Variants in EXTL3 observed in about 807,000 individuals in gnomAD.
The protein encoded by EXTL3 is exostosin-like 3.
EXTL3 carries 27 observed loss-of-function variants against 69.3 expected under a neutral mutation model. The observed-to-expected ratio is 0.39, with a 90% CI of 0.29 to 0.54. The LOEUF (loss-of-function observed/expected upper bound fraction) is 0.54. EXTL3 is among the 20% of genes least tolerant of loss of function. The pLI is 0.69. For synonymous variants in EXTL3, 511 were observed against 499.4 expected (o/e 1.02, Z -0.31); for missense variants, 1,003 against 1,231.8 (o/e 0.81, Z 2.78).
At chr8:28,622,483 C>T (rs572674765), upstream of EXTL3, among the ~76,000 whole-genome samples, 78 of 152,230 alleles carry the variant, frequency 5.1e-4, 1 homozygote, top group African/African-American at 1.5e-3. Context: ...AGCTGCGGGG[C>T]CGCGAGAAGG....
intron 4 of EXTL3, among the ~76,000 whole-genome samples, chr8:28,734,629 T>C (rs1177592807): frequency 6.6e-6 from 1 of 152,210 alleles, no homozygotes; most frequent in African/African-American, 2.4e-5. Context: ...GGAGAATTGC[T>C]TGAACCCAGG....
At position 28,726,874 on chromosome 8, in the gene EXTL3, C is replaced by CT. The variant is rs1801423746; in HGVS notation, c.2149-4345dup. On this transcript the variant is annotated intron_variant, in intron 3 of 6. Transcript: ENST00000220562. ...TTTCTGTGAATCTTTAACAGCTTTTCTTTTCTTTTTTTTTTTTTTTTTTTT... is the reference window on the plus strand; with the variant it reads ...TTTCTGTGAATCTTTAACAGCTTTTCTTTTTCTTTTTTTTTTTTTTTTTTTT... 2.6e-5 allele frequency among the ~76,000 whole-genome samples: 3 copies of CT among 113,774 alleles called. No individual in the cohort carries two copies. The South Asian group carries it at 8.3e-4, about 31-fold the overall frequency. 74.6% of individuals were successfully genotyped at this position (113,774 alleles called of 152,430 possible).
chr8:28,736,647 C>T (rs1202261175), intron 4 of EXTL3, among the ~76,000 whole-genome samples: 1 of 152,166 alleles, frequency 6.6e-6, no homozygotes, highest in Non-Finnish European at 1.5e-5. Context: ...TGGTGCAGTT[C>T]AGTAGTCTTC....
In EXTL3 at chr8:28,716,707, G is replaced by A. The variant is rs1244271778; in HGVS notation, c.648G>A (p.Gln216=). Reference sequence around the variant, plus strand: ...GCTACCTGGATCCCTTGGTCAAGCAGGCTTTTCAGGCGACAGCACGAGCTA... The same window carrying A: ...GCTACCTGGATCCCTTGGTCAAGCAAGCTTTTCAGGCGACAGCACGAGCTA... ...FGSYLDPLVK[Q]AFQATARANV... The change falls in exon 3 of 7, where the codon CAG becomes CAA. Residue 216 remains glutamine (Q), a synonymous_variant. Coordinates refer to ENST00000220562, the MANE Select transcript of EXTL3 (RefSeq NM_001440.4). The surrounding 1 kb of genome is among the most constrained non-coding windows in gnomAD (Gnocchi z 7.1). The A allele has an allele frequency of 6.2e-7, 1 of 1,614,248 alleles. No individual in the cohort carries two copies. Among genetic ancestry groups the A allele is most frequent in the East Asian group, 2.2e-5 (1 of 44,882 alleles).
chr8:28,687,765 A>G (rs750738289), intron 1 of EXTL3, among the ~76,000 whole-genome samples: 2 of 152,196 alleles, frequency 1.3e-5, no homozygotes, highest in Non-Finnish European at 2.9e-5. Flanking sequence ...ATGAAAGAAA[A>G]GAGAAAGGAT....
chr8:28,754,033 C>T lies in EXTL3; in HGVS notation c.*3167C>T, dbSNP rs866998574. The T allele has an allele frequency of 1.2e-3, 172 of 142,268 alleles. No individual in the cohort carries two copies. The highest frequency in any genetic ancestry group is 3.0e-3 in the Admixed American group (44 of 14,466). 8.8% of individuals were successfully genotyped at this position (142,268 alleles called of 1,614,324 possible). A position where few individuals can be genotyped will look rare whatever the true frequency, so the allele number is the denominator to read the frequency against. On this transcript the variant is annotated 3_prime_UTR_variant, in exon 7 of 7. Transcript: ENST00000220562. ...AATTTTTTCATGGGAATTTAAAATG[C>T]GTGTGTGTGTGTGTGTGTGTGTGTG...
chr8:28,666,580 C>CT (rs763026939), intron 1 of EXTL3, among the ~76,000 whole-genome samples: 166 of 150,742 alleles, frequency 1.1e-3, no homozygotes, highest in Non-Finnish European at 1.5e-3. Context: ...TCTTTTCTTT[C>CT]TTTTTTTTTA....
At chr8:28,612,956 T>A (rs1296365913) in intron 2 of EXTL3, among the ~76,000 whole-genome samples, 1 of 151,784 alleles carries the variant, frequency 6.6e-6, no homozygotes, top group Non-Finnish European at 1.5e-5. Context: ...TGAGCTTATG[T>A]GTTCCTCCTG....
At chr8:28,722,747 C>G (rs1167161509) in intron 3 of EXTL3, among the ~76,000 whole-genome samples, 1 of 146,606 alleles carries the variant, frequency 6.8e-6, no homozygotes, top group Non-Finnish European at 1.5e-5. Context: ...GCGCTCCAGC[C>G]TGGGTGATAG....
In EXTL3 at chr8:28,623,173, G is replaced by A. The variant is rs541668486; in HGVS notation, c.-53+363G>A. ...CGGCAGGGGTCCGTATCACACTGTG[G>A]GCGGGGGTCCCGACCCCTGCTGCCT... On this transcript the variant is annotated intron_variant, in intron 1 of 6. Coordinates refer to the EXTL3 transcript ENST00000523149. The surrounding 1 kb of genome is among the most constrained non-coding windows in gnomAD (Gnocchi z 4.2). 5.5e-4 allele frequency among the ~76,000 whole-genome samples: 83 copies of A among 152,248 alleles called. No homozygotes were observed. Among genetic ancestry groups the A allele is most frequent in the African/African-American group, 1.9e-3 (80 of 41,552 alleles).
chr8:28,729,400 G>A (rs868280807), intron 3 of EXTL3, among the ~76,000 whole-genome samples: 1 of 150,698 alleles, frequency 6.6e-6, no homozygotes, highest in Non-Finnish European at 1.5e-5. Context: ...TTCAAGACCA[G>A]CCTGGCCAAG....
chr8:28,610,344 C>G (rs1002643319), intron 2 of EXTL3, among the ~76,000 whole-genome samples: 1 of 152,052 alleles, frequency 6.6e-6, no homozygotes, highest in African/African-American at 2.4e-5. Flanking sequence ...TTCCTCATCT[C>G]TTTGTTAACA....
At chr8:28,662,946 A>C (rs2130625907) in intron 1 of EXTL3, among the ~76,000 whole-genome samples, 2 of 152,248 alleles carry the variant, frequency 1.3e-5, no homozygotes, top group Non-Finnish European at 2.9e-5. Flanking sequence ...GACAGAGTGA[A>C]ACCCTGTCTC....
chr8:28,613,331 C>T (rs1051057670), intron 2 of EXTL3, among the ~76,000 whole-genome samples: 1 of 151,898 alleles, frequency 6.6e-6, no homozygotes, highest in African/African-American at 2.4e-5. Flanking sequence ...TTACAGGCAA[C>T]TGCTACCACG....
rs1006996456 is a variant in EXTL3, at chr8:28,750,744, A to C, written c.2638A>C (p.Ile880Leu). ...CCACTTCCACGAGCGGCACAAGTGC[A>C]TCAACTTCTTCGTGAAGGTGTACGG... is the stretch of plus-strand genomic sequence containing the variant. ...DSHFHERHKCINFFVKVYGYM... is the reference protein window; with the variant it reads ...DSHFHERHKCLNFFVKVYGYM... Residue 880 changes from isoleucine (I) to leucine (L), a missense_variant, in exon 7 of 7, where the codon ATC becomes CTC. Ile to Leu is a conservative substitution (Grantham distance 5, BLOSUM62 2). Coordinates refer to ENST00000220562, the MANE Select transcript of EXTL3 (RefSeq NM_001440.4). This position sits in a 1 kb window ranked among gnomAD's most constrained non-coding sequence, Gnocchi z 5.2. 2.5e-6 allele frequency: 4 copies of C among 1,614,052 alleles called. No homozygotes were observed. Among genetic ancestry groups the C allele is most frequent in the Non-Finnish European group, 3.4e-6 (4 of 1,180,024 alleles).
rs150473726 is a variant in EXTL3 at position 28,753,571 on chromosome 8, G to A, written c.*2705G>A. On this transcript the variant is annotated 3_prime_UTR_variant, in exon 7 of 7. Coordinates refer to ENST00000220562, the MANE Select transcript of EXTL3 (RefSeq NM_001440.4). The stretch of plus-strand genomic sequence containing the variant: ...AGAGTGGGGAGCTCCTAGTTTGTGG[G>A]GGGAAGCTTTGATATCCATGCCACG... 138 of 152,834 alleles carry A rather than the reference G, an allele frequency of 9.0e-4. No homozygotes were observed. Among genetic ancestry groups the A allele is most frequent in the East Asian group, 2.5e-3 (13 of 5,186 alleles). 9.5% of individuals were successfully genotyped at this position (152,834 alleles called of 1,614,324 possible). A position where few individuals can be genotyped will look rare whatever the true frequency, so the allele number is the denominator to read the frequency against.
intron 1 of EXTL3, among the ~76,000 whole-genome samples, chr8:28,637,132 A>G (rs927065293): frequency 1.1e-4 from 16 of 152,204 alleles, no homozygotes; most frequent in African/African-American, 3.6e-4. Context: ...ACATTCCTTT[A>G]TAAAAGAAAC....
At chr8:28,651,666 C>T (rs1806923105) in intron 1 of EXTL3, among the ~76,000 whole-genome samples, 1 of 152,172 alleles carries the variant, frequency 6.6e-6, no homozygotes, top group South Asian at 2.1e-4. Flanking sequence ...TCATTTTGCA[C>T]ATATTACTTT....
chr8:28,658,589 T>C (rs1807052732), intron 1 of EXTL3, among the ~76,000 whole-genome samples: 1 of 152,162 alleles, frequency 6.6e-6, no homozygotes, highest in Non-Finnish European at 1.5e-5. Flanking sequence ...GAAAGTTTCC[T>C]CATGCACTCT....
Sources: gnomAD v4.1 joint callset for allele counts (sites outside exome capture counted in the v4.1 genomes callset) on GRCh38, gnomAD v4.1.1 for gene constraint, Gnocchi (gnomAD v3.1) non-coding constraint, MANE v1.5 for transcripts, NCBI Gene and HGNC (gene_info 2026-07-23, HGNC 2026-07-21) for gene names.